GRB14: variants seen among roughly 807,000 people sequenced by gnomAD.
GRB14 encodes growth factor receptor-bound protein 14.
Under a neutral mutation model 69.1 loss-of-function variants are expected in GRB14, and 38 were observed. That is an observed-to-expected ratio of 0.55 (90% CI 0.42 to 0.72). GRB14 has a LOEUF of 0.72. GRB14 is among the 30% of genes least tolerant of loss of function. GRB14 has a pLI of 0.00. For synonymous variants in GRB14, 247 were observed against 241.3 expected (o/e 1.02, Z -0.22); for missense variants, 666 against 666.1 (o/e 1.00, Z 0.00).
intron 8 of GRB14, among the ~76,000 whole-genome samples, chr2:164,502,587 T>G (rs1260395530): frequency 3.3e-5 from 5 of 151,930 alleles, no homozygotes; most frequent in South Asian, 2.1e-4. Context: ...AGCTGACATA[T>G]CTACTCATTA....
chr2:164,606,064 A>ACAGGAGTG (rs1364155175), intron 2 of GRB14, among the ~76,000 whole-genome samples: 1 of 152,228 alleles, frequency 6.6e-6, no homozygotes, highest in African/African-American at 2.4e-5. Flanking sequence ...ACTCATAAAT[A>ACAGGAGTG]CAGGAGTGTT....
chr2:164,566,883 T>C (rs887094978), intron 2 of GRB14, among the ~76,000 whole-genome samples: 2 of 152,162 alleles, frequency 1.3e-5, no homozygotes, highest in African/African-American at 4.8e-5. Context: ...AAGAGTTTAC[T>C]GGATTTGCCC....
chr2:164,588,194 T>C (rs1345989333), intron 2 of GRB14, among the ~76,000 whole-genome samples: 2 of 152,168 alleles, frequency 1.3e-5, no homozygotes, highest in East Asian at 3.8e-4. Flanking sequence ...ATGAAAACCT[T>C]TTTATTATTT....
At chr2:164,581,849 T>C (rs192932514) in intron 2 of GRB14, among the ~76,000 whole-genome samples, 31 of 152,314 alleles carry the variant, frequency 2.0e-4, no homozygotes, top group Admixed American at 2.0e-3. Flanking sequence ...TTCAAGCCCC[T>C]TGATTTAAAG....
In GRB14 at chr2:164,493,301, G is replaced by A. The variant is rs554141053; in HGVS notation, c.1477-119C>T. 44 of 841,488 alleles carry A rather than the reference G, an allele frequency of 5.2e-5. 1 individual carries two copies. In the African/African-American group the frequency reaches 7.1e-4, roughly 14 times the overall value. The allele number at this position is 841,488 out of a possible 1,614,324, so 52.1% of individuals were successfully genotyped here. On this transcript the variant is annotated intron_variant, in intron 13 of 13. Coordinates refer to ENST00000263915, the MANE Select transcript of GRB14 (RefSeq NM_004490.3). ...GCCAAGTTTATAAAACTAAAAGACA[G>A]TGAAAAGAATGTTACGGCATATCTA...
intron 6 of GRB14, among the ~76,000 whole-genome samples, chr2:164,516,218 C>T (rs903958177): frequency 2.0e-5 from 3 of 152,040 alleles, no homozygotes; most frequent in Non-Finnish European, 4.4e-5. Flanking sequence ...TCAAAGAACA[C>T]CTGGGAAATT....
intron 2 of GRB14, among the ~76,000 whole-genome samples, chr2:164,572,213 C>T (rs547169932): frequency 3.9e-5 from 6 of 152,184 alleles, no homozygotes; most frequent in South Asian, 2.1e-4. Context: ...TGACAACAAC[C>T]GCAATTACAT....
At chr2:164,616,318 C>A (rs559089680) in intron 2 of GRB14, among the ~76,000 whole-genome samples, 2 of 148,870 alleles carry the variant, frequency 1.3e-5, no homozygotes, top group Non-Finnish European at 3.0e-5. Flanking sequence ...CCCAGCTACT[C>A]GGGAGGCTGA....
intron 2 of GRB14, among the ~76,000 whole-genome samples, chr2:164,553,513 G>A (rs982339869): frequency 7.9e-5 from 12 of 152,054 alleles, no homozygotes; most frequent in East Asian, 7.7e-4. Context: ...CAAAATACAC[G>A]TTCATCTATG....
intron 2 of GRB14, among the ~76,000 whole-genome samples, chr2:164,593,703 G>T (rs1028215325): frequency 1.3e-5 from 2 of 152,182 alleles, no homozygotes; most frequent in Non-Finnish European, 2.9e-5. Context: ...CAGTACCGTG[G>T]CAGCCCTAGA....
chr2:164,516,694 G>C (rs1687498114), intron 6 of GRB14, among the ~76,000 whole-genome samples: 1 of 152,092 alleles, frequency 6.6e-6, no homozygotes, highest in African/African-American at 2.4e-5. Context: ...AGCACTACAA[G>C]AGCTGCTAAA....
intron 2 of GRB14, among the ~76,000 whole-genome samples, chr2:164,572,616 C>A (rs1030730689): frequency 2.6e-5 from 4 of 152,190 alleles, no homozygotes; most frequent in African/African-American, 9.7e-5. Flanking sequence ...AGATTCAAAC[C>A]CTACCTGTCC....
chr2:164,507,348 A>G (rs1200211340), intron 8 of GRB14, among the ~76,000 whole-genome samples: 2 of 152,178 alleles, frequency 1.3e-5, no homozygotes, highest in African/African-American at 4.8e-5. Context: ...GGTAAATGAA[A>G]TGGGGGAACC....
intron 2 of GRB14, among the ~76,000 whole-genome samples, chr2:164,602,253 C>A (rs1689934751): frequency 1.3e-5 from 2 of 151,914 alleles, no homozygotes; most frequent in African/African-American, 4.8e-5. Context: ...CACTTCCTAT[C>A]TCTGTAATTT....
chr2:164,587,347 C>T (rs886782060), intron 2 of GRB14, among the ~76,000 whole-genome samples: 1 of 152,164 alleles, frequency 6.6e-6, no homozygotes, highest in Admixed American at 6.5e-5. Flanking sequence ...CAGTAATCAA[C>T]ATCCTTTATG....
chr2:164,595,379 CT>C (rs1689758818), intron 2 of GRB14, among the ~76,000 whole-genome samples: 1 of 152,154 alleles, frequency 6.6e-6, no homozygotes, highest in Admixed American at 6.5e-5. Flanking sequence ...GTTATACATG[CT>C]ATGAAAACAA....
intron 4 of GRB14, among the ~76,000 whole-genome samples, chr2:164,525,968 T>C (rs1452150204): frequency 1.3e-5 from 2 of 152,182 alleles, no homozygotes; most frequent in Non-Finnish European, 2.9e-5. Flanking sequence ...ACAAAACAAA[T>C]GTCCAGCCTT....
intron 2 of GRB14, among the ~76,000 whole-genome samples, chr2:164,556,061 CAA>C (rs1444562722): frequency 6.6e-6 from 1 of 152,038 alleles, no homozygotes; most frequent in Non-Finnish European, 1.5e-5. Flanking sequence ...CCTAAGATAA[CAA>C]GAGACATTTT....
chr2:164,526,466 C>T (rs941581839), intron 4 of GRB14, among the ~76,000 whole-genome samples: 2 of 151,956 alleles, frequency 1.3e-5, no homozygotes, highest in Admixed American at 6.6e-5. Context: ...CTCATTTCTA[C>T]TTAGTTCAAA....
Sources: gnomAD v4.1 joint callset for allele counts (sites outside exome capture counted in the v4.1 genomes callset) on GRCh38, gnomAD v4.1.1 for gene constraint, MANE v1.5 for transcripts, NCBI Gene and HGNC (gene_info 2026-07-23, HGNC 2026-07-21) for gene names.